The following ZNF329 variants were observed in gnomAD, a reference collection of about 807,000 sequenced individuals.
ZNF329 encodes the protein zinc finger protein 329.
In ZNF329, 15 loss-of-function variants were observed where a neutral mutation model predicts 26.6. That is an observed-to-expected ratio of 0.56 (90% CI 0.38 to 0.87). The LOEUF (loss-of-function observed/expected upper bound fraction) is 0.87, where lower values mean the gene tolerates loss of function less well. Among genes scored for constraint, ZNF329 ranks in the 40% least tolerant of loss-of-function variants. The pLI is 0.00. For synonymous variants in ZNF329, 239 were observed against 233.5 expected (o/e 1.02, Z -0.21); for missense variants, 651 against 651.9 (o/e 1.00, Z 0.02).
intron 1 of ZNF329, 126 bp from the exon 2 acceptor site, chr19:58,143,324 C>A (rs2075228532): frequency 6.6e-6 from 1 of 152,192 alleles, no homozygotes; most frequent in South Asian, 2.1e-4. Flanking sequence ...ACCAGGTACA[C>A]AGATGAAAGG....
At chr19:58,149,991 G>C (rs1178450572) in intron 1 of ZNF329, among the ~76,000 whole-genome samples, 1 of 152,174 alleles carries the variant, frequency 6.6e-6, no homozygotes, top group African/African-American at 2.4e-5. Context: ...AGGATGGACA[G>C]AAGGAAAGAT....
At chr19:58,151,601 CAAAA>C (rs555824584), upstream of ZNF329, among the ~76,000 whole-genome samples, 5 of 70,928 alleles carry the variant, frequency 7.0e-5, no homozygotes, top group Non-Finnish European at 1.5e-4. Flanking sequence ...GACTTCGTCT[CAAAA>C]AAAAAAAAAA....
chr19:58,129,056 G>T lies in ZNF329; in HGVS notation c.448C>A (p.Pro150Thr), dbSNP rs765546949. ...TGATTAAAAGACTTAACACTTTCAG[G>T]GTATTTGTAGGGCTTCTCTCTCACT... ...NPVREKPYKY[P>T]ESVKSFNHFT... The change falls in exon 4 of 4, where the codon CCT becomes ACT. Residue 150 changes from proline to threonine, a missense_variant. By Grantham distance (38) the Pro-to-Thr change is conservative. Coordinates refer to ENST00000598312, the MANE Select transcript of ZNF329 (RefSeq NM_024620.4). 1.9e-6 allele frequency: 3 copies of T among 1,613,662 alleles called. No individual in the cohort carries two copies. The African/African-American group carries it at 4.0e-5, about 22-fold the overall frequency.
At chr19:58,137,809 C>CAAAAAAAAAAAAAAAAAAAAAA (rs72295173) in intron 3 of ZNF329, among the ~76,000 whole-genome samples, 1 of 76,262 alleles carries the variant, frequency 1.3e-5, no homozygotes, top group African/African-American at 5.0e-5. Context: ...ACAAAAAATA[C>CAAAAAAAAAAAAAAAAAAAAAA]AAAAAAAAAA....
At chr19:58,133,806 C>T (rs2075005682) in intron 3 of ZNF329, among the ~76,000 whole-genome samples, 1 of 151,178 alleles carries the variant, frequency 6.6e-6, no homozygotes, top group Admixed American at 6.6e-5. Context: ...TATGACTAGT[C>T]TGGGCAACAC....
chr19:58,136,995 T>TG lies in ZNF329; in HGVS notation c.-9+5561_-9+5562insC, dbSNP rs551798797. On this transcript the variant is annotated intron_variant, in intron 3 of 3. Transcript: ENST00000598312. Reference sequence around the variant, plus strand: ...CATAAACTCAAAGTGATATGTACCTTATTCCACCACTAGAAAGAAGATTCA... The same window carrying TG: ...CATAAACTCAAAGTGATATGTACCTTGATTCCACCACTAGAAAGAAGATTCA... 1,112 of 197,718 alleles carry TG rather than the reference T, an allele frequency of 5.6e-3. 8 individuals carry two copies. Among genetic ancestry groups the TG allele is most frequent in the African/African-American group, 0.024 (1,007 of 42,712 alleles). 12.2% of individuals were successfully genotyped at this position (197,718 alleles called of 1,614,324 possible). A position where few individuals can be genotyped will look rare whatever the true frequency, so the allele number is the denominator to read the frequency against.
chr19:58,145,659 AG>A (rs1453793729), intron 1 of ZNF329, among the ~76,000 whole-genome samples: 4 of 152,196 alleles, frequency 2.6e-5, no homozygotes, highest in African/African-American at 9.6e-5. Context: ...CAAAACATAA[AG>A]AAAAAGATTT....
upstream of ZNF329, among the ~76,000 whole-genome samples, chr19:58,151,814 A>C (rs1196981779): frequency 6.6e-6 from 1 of 152,188 alleles, no homozygotes; most frequent in Non-Finnish European, 1.5e-5. Context: ...GAAAGTGGCA[A>C]CTGAGGGGAA....
At chr19:58,151,728 C>G (rs928716077), upstream of ZNF329, among the ~76,000 whole-genome samples, 1 of 151,614 alleles carries the variant, frequency 6.6e-6, no homozygotes, top group Non-Finnish European at 1.5e-5. Context: ...GACACAAAAT[C>G]TATATGTTAT....
chr19:58,137,257 A>C (rs2075091867), intron 3 of ZNF329, among the ~76,000 whole-genome samples: 1 of 152,130 alleles, frequency 6.6e-6, no homozygotes, highest in East Asian at 1.9e-4. Flanking sequence ...AAGTGTTAAT[A>C]AAAATCACAG....
chr19:58,145,314 C>CTTTTTTTT (rs71188087), intron 1 of ZNF329, among the ~76,000 whole-genome samples: 1 of 106,172 alleles, frequency 9.4e-6, no homozygotes. Flanking sequence ...TTTTTTCTTC[C>CTTTTTTTT]TTTTTTTTTT....
intron 1 of ZNF329, among the ~76,000 whole-genome samples, chr19:58,150,098 T>G (rs951590355): frequency 6.6e-6 from 1 of 152,172 alleles, no homozygotes. Context: ...TCATAAAATA[T>G]TGAGACTGGA....
chr19:58,145,007 G>A (rs193190622), intron 1 of ZNF329, among the ~76,000 whole-genome samples: 2,185 of 151,630 alleles, frequency 0.014, 27 homozygotes, highest in South Asian at 0.037. Context: ...CTGCCACCAT[G>A]CCTGGCTAAT....
chr19:58,140,722 CTTTCT>C (rs1291735141), intron 3 of ZNF329, among the ~76,000 whole-genome samples: 1 of 151,310 alleles, frequency 6.6e-6, no homozygotes, highest in African/African-American at 2.4e-5. Context: ...CCCTTTTTTT[CTTTCT>C]TAAGAGACAG....
At position 58,126,998 on chromosome 19, in the gene ZNF329, G is replaced by A. The variant is rs1600032788; in HGVS notation, c.*880C>T. On this transcript the variant is annotated 3_prime_UTR_variant, in exon 4 of 4. Transcript: ENST00000598312. ...GGAACGACTTCATTGTTCATTCACA[G>A]GTAATTTATTCACCTAGTTTGCCCT... The A allele has an allele frequency of 6.6e-6, 1 of 152,164 alleles. No homozygotes were observed. 9.4% of individuals were successfully genotyped at this position (152,164 alleles called of 1,614,324 possible). A position where few individuals can be genotyped will look rare whatever the true frequency, so the allele number is the denominator to read the frequency against.
chr19:58,144,315 C>T (rs2075252031), intron 1 of ZNF329, among the ~76,000 whole-genome samples: 1 of 150,678 alleles, frequency 6.6e-6, no homozygotes, highest in African/African-American at 2.4e-5. Context: ...GCCAGGACTA[C>T]AGGTACCTGC....
chr19:58,144,084 A>T (rs2075245823), intron 1 of ZNF329, among the ~76,000 whole-genome samples: 1 of 152,258 alleles, frequency 6.6e-6, no homozygotes, highest in East Asian at 1.9e-4. Context: ...TCAGTCTCAA[A>T]AAATAAATAA....
At chr19:58,145,016 A>AT (rs768993061) in intron 1 of ZNF329, among the ~76,000 whole-genome samples, 78 of 151,278 alleles carry the variant, frequency 5.2e-4, no homozygotes, top group Non-Finnish European at 9.3e-4. Flanking sequence ...TGCCTGGCTA[A>AT]TTTTTTGTAT....
At chr19:58,143,437 T>G (rs1277735676) in intron 1 of ZNF329, among the ~76,000 whole-genome samples, 6 of 152,066 alleles carry the variant, frequency 3.9e-5, no homozygotes, top group Admixed American at 2.0e-4. Context: ...AAATTCACAC[T>G]GAAGAAGACA....
Sources: gnomAD v4.1 joint callset for allele counts (sites outside exome capture counted in the v4.1 genomes callset) on GRCh38, gnomAD v4.1.1 for gene constraint, MANE v1.5 for transcripts, NCBI Gene and HGNC (gene_info 2026-07-23, HGNC 2026-07-21) for gene names.